The following HS6ST3 variants were observed in gnomAD, a reference collection of about 807,000 sequenced individuals.
HS6ST3 encodes the protein heparan-sulfate 6-O-sulfotransferase 3.
Under a neutral mutation model 36.7 loss-of-function variants are expected in HS6ST3, and 12 were observed. That is an observed-to-expected ratio of 0.33 (90% CI 0.21 to 0.53). HS6ST3 has a LOEUF of 0.53. Ranked by LOEUF, HS6ST3 falls within the 20% of genes least tolerant of loss-of-function variation. The probability of loss-of-function intolerance (pLI) is 0.95; values close to 1 mark genes in which losing one functional copy is unlikely to be tolerated. For missense variants in HS6ST3, 584 were observed against 640.9 expected (o/e 0.91, Z 0.96); for synonymous variants, 240 against 257.5 (o/e 0.93, Z 0.65).
intron 1 of HS6ST3, among the ~76,000 whole-genome samples, chr13:96,731,660 T>C (rs1172409560): frequency 6.6e-6 from 1 of 151,872 alleles, no homozygotes; most frequent in Admixed American, 6.6e-5. Context: ...TAGTTTGTTT[T>C]GTTTTTTTTT....
At chr13:96,381,815 C>G (rs2055342994) in intron 1 of HS6ST3, among the ~76,000 whole-genome samples, 1 of 152,106 alleles carries the variant, frequency 6.6e-6, no homozygotes, top group Non-Finnish European at 1.5e-5. Flanking sequence ...GATTCCCGCC[C>G]TAGAGTTACG....
At chr13:96,462,748 C>G (rs952563658) in intron 1 of HS6ST3, among the ~76,000 whole-genome samples, 1 of 152,096 alleles carries the variant, frequency 6.6e-6, no homozygotes, top group African/African-American at 2.4e-5. Context: ...GGCAATTTAG[C>G]AAATTACTGG....
At chr13:96,826,685 G>A (rs551327244) in intron 1 of HS6ST3, among the ~76,000 whole-genome samples, 1 of 152,206 alleles carries the variant, frequency 6.6e-6, no homozygotes, top group African/African-American at 2.4e-5. Context: ...TTCAACGTGA[G>A]AGAAGGCAAT....
intron 1 of HS6ST3, among the ~76,000 whole-genome samples, chr13:96,098,455 A>G (rs2053802022): frequency 1.3e-5 from 2 of 152,182 alleles, no homozygotes; most frequent in Non-Finnish European, 2.9e-5. Context: ...GAGGAAAACA[A>G]TGACAAATTT....
intron 1 of HS6ST3, among the ~76,000 whole-genome samples, chr13:96,221,166 G>A (rs1010460876): frequency 3.9e-5 from 6 of 152,080 alleles, no homozygotes; most frequent in Non-Finnish European, 5.9e-5. Context: ...CTGCTTTTTG[G>A]TTGAGAAACT....
chr13:96,422,352 C>A (rs1287096830), intron 1 of HS6ST3, among the ~76,000 whole-genome samples: 2 of 152,076 alleles, frequency 1.3e-5, no homozygotes, highest in East Asian at 3.8e-4. Flanking sequence ...TTTGATGTTG[C>A]AATGTGAGTT....
At chr13:96,340,604 T>G (rs1301076521) in intron 1 of HS6ST3, among the ~76,000 whole-genome samples, 1 of 152,196 alleles carries the variant, frequency 6.6e-6, no homozygotes, top group Non-Finnish European at 1.5e-5. Context: ...GCCAAGACAC[T>G]GAAGAACTGG....
At chr13:96,119,732 G>A (rs560856311) in intron 1 of HS6ST3, among the ~76,000 whole-genome samples, 7 of 152,230 alleles carry the variant, frequency 4.6e-5, no homozygotes, top group African/African-American at 1.7e-4. Flanking sequence ...GTGTCCTTGG[G>A]CAGTTATTTA....
intron 1 of HS6ST3, among the ~76,000 whole-genome samples, chr13:96,732,306 A>G (rs1394322908): frequency 2.0e-5 from 3 of 152,174 alleles, no homozygotes; most frequent in Admixed American, 6.5e-5. Flanking sequence ...AGTAGTTTCA[A>G]GTCTGACATT....
chr13:96,559,024 A>G (rs992484931), intron 1 of HS6ST3, among the ~76,000 whole-genome samples: 5 of 152,002 alleles, frequency 3.3e-5, no homozygotes, highest in African/African-American at 1.2e-4. Context: ...CTAGCATCAA[A>G]CTGAATTTTG....
chr13:96,361,010 G>T (rs924660437), intron 1 of HS6ST3, among the ~76,000 whole-genome samples: 21 of 151,738 alleles, frequency 1.4e-4, no homozygotes, highest in Non-Finnish European at 3.1e-4. Context: ...ATTTGTGAGT[G>T]CTTAACCAAA....
intron 1 of HS6ST3, among the ~76,000 whole-genome samples, chr13:96,118,659 TATATATATATATATATATATATATATATA>T (rs1464643020): frequency 9.7e-3 from 33 of 3,396 alleles, no homozygotes; most frequent in East Asian, 0.02. Context: ...TATATATATA[TATATATATATATATATATATATATATATA>T]TTTTTTTTTT....
intron 1 of HS6ST3, among the ~76,000 whole-genome samples, chr13:96,141,953 A>G (rs2054033878): frequency 6.6e-6 from 1 of 151,830 alleles, no homozygotes; most frequent in African/African-American, 2.4e-5. Context: ...TGCTGAAGAA[A>G]ACCGTGTCCA....
chr13:96,528,020 T>A (rs2056121033), intron 1 of HS6ST3, among the ~76,000 whole-genome samples: 1 of 152,214 alleles, frequency 6.6e-6, no homozygotes. Flanking sequence ...ACACACATAA[T>A]GCCAGCTTCA....
intron 1 of HS6ST3, among the ~76,000 whole-genome samples, chr13:96,727,616 A>T (rs1314587816): frequency 6.6e-6 from 1 of 151,996 alleles, no homozygotes; most frequent in Non-Finnish European, 1.5e-5. Context: ...AAATATAAAA[A>T]CTCTCAGGAA....
At chr13:96,300,419 G>C (rs1594746991) in intron 1 of HS6ST3, among the ~76,000 whole-genome samples, 1 of 151,980 alleles carries the variant, frequency 6.6e-6, no homozygotes, top group Non-Finnish European at 1.5e-5. Flanking sequence ...AACAGCAAGG[G>C]GGAAATTCAT....
chr13:96,106,021 A>G (rs1031639756), intron 1 of HS6ST3, among the ~76,000 whole-genome samples: 17 of 152,356 alleles, frequency 1.1e-4, no homozygotes, highest in African/African-American at 4.1e-4. Flanking sequence ...GACTGAAGTG[A>G]TGGGGTGATA....
rs898102338 is a variant in HS6ST3, at chr13:96,395,592, G to GTTTC, written c.707+304024_707+304027dup. ...GATAATGGCGGACTTAGTAATTCTC[G>GTTTC]TTTCATGTGCTCCTCCCCAGTGTCC... On this transcript the variant is annotated intron_variant, in intron 1 of 1. Transcript: ENST00000376705. 1.4e-4 allele frequency among the ~76,000 whole-genome samples: 21 copies of GTTTC among 152,166 alleles called. 2 individuals carry two copies. The highest frequency in any genetic ancestry group is 5.1e-4 in the African/African-American group (21 of 41,518).
At chr13:96,723,981 AT>A (rs1033747011) in intron 1 of HS6ST3, among the ~76,000 whole-genome samples, 1 of 150,950 alleles carries the variant, frequency 6.6e-6, no homozygotes, top group African/African-American at 2.4e-5. Flanking sequence ...CTTTCTTGTT[AT>A]TTTTTTCTTT....
Sources: gnomAD v4.1 joint callset for allele counts (sites outside exome capture counted in the v4.1 genomes callset) on GRCh38, gnomAD v4.1.1 for gene constraint, MANE v1.5 for transcripts, NCBI Gene and HGNC (gene_info 2026-07-23, HGNC 2026-07-21) for gene names.